ERN1: variants seen among roughly 807,000 people sequenced by gnomAD.
ERN1 encodes the protein serine/threonine-protein kinase/endoribonuclease IRE1.
ERN1 carries 39 observed loss-of-function variants against 113.1 expected under a neutral mutation model. That is an observed-to-expected ratio of 0.34 (90% CI 0.27 to 0.45). The LOEUF (loss-of-function observed/expected upper bound fraction) is 0.45. Among genes scored for constraint, ERN1 ranks in the 20% least tolerant of loss-of-function variants. ERN1 has a pLI of 1.00. For synonymous variants in ERN1, 507 were observed against 515.9 expected (o/e 0.98, Z 0.23); for missense variants, 976 against 1,274.8 (o/e 0.77, Z 3.57).
At chr17:64,114,358 CAGA>C (rs1217598210) in intron 1 of ERN1, among the ~76,000 whole-genome samples, 4 of 152,126 alleles carry the variant, frequency 2.6e-5, no homozygotes, top group Non-Finnish European at 5.9e-5. Context: ...GACAGCATAA[CAGA>C]AGAAGAGCAT....
In ERN1 at chr17:64,107,435, C is replaced by G. The variant is rs952372869; in HGVS notation, c.55-9194G>C. 3.9e-5 allele frequency among the ~76,000 whole-genome samples: 6 copies of G among 152,154 alleles called. 1 individual carries two copies. The highest frequency in any genetic ancestry group is 1.2e-4 in the African/African-American group (5 of 41,420). On this transcript the variant is annotated intron_variant, in intron 1 of 21. Coordinates refer to ENST00000433197, the MANE Select transcript of ERN1 (RefSeq NM_001433.5). ...CTCCTGGGCTCAAGCGATTCTCCCA[C>G]CTCAGCCTCCCGAGTAGCTGCGACT...
At position 64,058,446 on chromosome 17, in the gene ERN1, A is replaced by G. The variant is rs912527766; in HGVS notation, c.1207-453T>C. On this transcript the variant is annotated intron_variant, in intron 11 of 21. Coordinates refer to ENST00000433197, the MANE Select transcript of ERN1 (RefSeq NM_001433.5). Reference sequence around the variant, plus strand: ...CGTATACAGAGGCACATGGCTAGAAAGCAATAAAGCAGTTTTCTCGTGTTG... The same window carrying G: ...CGTATACAGAGGCACATGGCTAGAAGGCAATAAAGCAGTTTTCTCGTGTTG... Among the ~76,000 whole-genome samples, 3 of 152,222 alleles carry G rather than the reference A, an allele frequency of 2.0e-5. No homozygotes were observed. The East Asian group carries it at 5.8e-4, about 29-fold the overall frequency.
At chr17:64,098,641 A>G in intron 1 of ERN1, 1 of 499,778 alleles carries the variant, frequency 2.0e-6, no homozygotes, top group South Asian at 1.5e-5. Context: ...GCATACACAC[A>G]TTCATGAAAT....
chr17:64,046,173 G>C (rs1912507416), intron 19 of ERN1, among the ~76,000 whole-genome samples: 1 of 152,232 alleles, frequency 6.6e-6, no homozygotes, highest in Non-Finnish European at 1.5e-5. Context: ...AGCCTTAGGA[G>C]ACCCTTTTCT....
intron 2 of ERN1, 122 bp from the exon 3 acceptor site, chr17:64,080,930 T>C: frequency 5.7e-6 from 5 of 874,896 alleles, no homozygotes; most frequent in Non-Finnish European, 9.2e-6. Flanking sequence ...TTAACCTACA[T>C]GGGCTAGTGC....
At chr17:64,095,095 C>T (rs1914193381) in intron 2 of ERN1, among the ~76,000 whole-genome samples, 1 of 152,136 alleles carries the variant, frequency 6.6e-6, no homozygotes, top group Non-Finnish European at 1.5e-5. Flanking sequence ...CAGGGCTGAA[C>T]TAAAACATGC....
chr17:64,040,675 T>C lies in ERN1; in HGVS notation c.*3313A>G, dbSNP rs904790178. 3 of 152,218 alleles carry C rather than the reference T, an allele frequency of 2.0e-5. No homozygotes were observed. The highest frequency in any genetic ancestry group is 2.0e-4 in the Admixed American group (3 of 15,280). The allele number at this position is 152,218 out of a possible 1,614,324, so 9.4% of individuals were successfully genotyped here. ...ATCTATCTGTAACTGATCAGAGTGA[T>C]GTCTCCTTGGAAGGGCCTCTGACCA... is the stretch of plus-strand genomic sequence containing the variant. On this transcript the variant is annotated 3_prime_UTR_variant, in exon 22 of 22. Transcript: ENST00000433197.
intron 1 of ERN1, among the ~76,000 whole-genome samples, chr17:64,116,653 T>C (rs990791097): frequency 1.5e-3 from 202 of 139,192 alleles, no homozygotes; most frequent in African/African-American, 6.1e-3. Flanking sequence ...AAAAAAAAAA[T>C]AACACACACA....
In ERN1 at chr17:64,054,845, A is replaced by G; in HGVS notation, c.1673-17T>C. 1.3e-6 allele frequency: 2 copies of G among 1,573,352 alleles called. No homozygotes were observed. Among genetic ancestry groups the G allele is most frequent in the Non-Finnish European group, 8.7e-7 (1 of 1,150,852 alleles). On this transcript the variant is annotated splice_polypyrimidine_tract_variant and intron_variant, in intron 13 of 21. Transcript: ENST00000433197. The surrounding 1 kb of genome is among the most constrained non-coding windows in gnomAD (Gnocchi z 4.9). ...TTTCCTCATCTGGGACAAAATAGGA[A>G]AAAGAGATTGTTTCAAACAGATATC...
rs1435121479 is a variant in ERN1 at position 64,108,203 on chromosome 17, A to AT, written c.55-9963dup. 3.3e-5 allele frequency among the ~76,000 whole-genome samples: 5 copies of AT among 150,112 alleles called. No individual in the cohort carries two copies. The East Asian group carries it at 9.7e-4, about 29-fold the overall frequency. Reference sequence around the variant, plus strand: ...CTACTGTCCTCCTTTAATAGATCTGATTAAAAAAAAAAAAAAGTACCTCAT... The same window carrying AT: ...CTACTGTCCTCCTTTAATAGATCTGATTTAAAAAAAAAAAAAAGTACCTCAT... On this transcript the variant is annotated intron_variant, in intron 1 of 21. Coordinates refer to ENST00000433197, the MANE Select transcript of ERN1 (RefSeq NM_001433.5).
intron 1 of ERN1, among the ~76,000 whole-genome samples, chr17:64,111,488 T>A (rs1261449526): frequency 6.6e-6 from 1 of 152,128 alleles, no homozygotes; most frequent in African/African-American, 2.4e-5. Flanking sequence ...CCCGAGTAGC[T>A]GGGATTACAG....
At chr17:64,072,135 C>T (rs769795118) in intron 5 of ERN1, 32 bp from the exon 6 acceptor site, 29 of 1,609,308 alleles carry the variant, frequency 1.8e-5, no homozygotes, top group Non-Finnish European at 2.5e-5. Context: ...TCGTCGTTTA[C>T]ACCATATGGA....
intron 1 of ERN1, chr17:64,129,637 G>C: frequency 2.7e-6 from 1 of 368,834 alleles, no homozygotes; most frequent in Non-Finnish European, 4.8e-6. Context: ...TCCTCAGGCC[G>C]GGGCCTTCTG....
At chr17:64,083,672 C>T (rs8079000) in intron 2 of ERN1, among the ~76,000 whole-genome samples, 4 of 151,884 alleles carry the variant, frequency 2.6e-5, no homozygotes, top group Admixed American at 6.6e-5. Flanking sequence ...AGGATTAACA[C>T]GGGAAAGAAA....
At chr17:64,077,277 T>C (rs1410225615) in intron 4 of ERN1, among the ~76,000 whole-genome samples, 2 of 152,230 alleles carry the variant, frequency 1.3e-5, no homozygotes. Flanking sequence ...TGAGAATTAC[T>C]TGGAAGCTTT....
In ERN1 at chr17:64,130,036, G is replaced by A; in HGVS notation, c.-7C>T. 1 of 1,414,664 alleles carries A rather than the reference G, an allele frequency of 7.1e-7. No individual in the cohort carries two copies. Among genetic ancestry groups the A allele is most frequent in the Non-Finnish European group, 9.2e-7 (1 of 1,091,524 alleles). 87.6% of individuals were successfully genotyped at this position (1,414,664 alleles called of 1,614,324 possible). Reference sequence around the variant, plus strand: ...GCAGCCGCCGGGCCGGCATGGCGAGGACTCGGCCCTGGCTCCGGGGGCGGT... The same window carrying A: ...GCAGCCGCCGGGCCGGCATGGCGAGAACTCGGCCCTGGCTCCGGGGGCGGT... On this transcript the variant is annotated 5_prime_UTR_variant, in exon 1 of 22. Transcript: ENST00000433197. This position sits in a 1 kb window ranked among gnomAD's most constrained non-coding sequence, Gnocchi z 4.0.
At chr17:64,072,557 T>A (rs555180213) in intron 5 of ERN1, among the ~76,000 whole-genome samples, 2 of 152,352 alleles carry the variant, frequency 1.3e-5, no homozygotes, top group African/African-American at 2.4e-5. Context: ...GTGAGAAGGA[T>A]CCACAGTTAC....
intron 9 of ERN1, 28 bp from the exon 10 acceptor site, chr17:64,064,179 G>A: frequency 6.4e-7 from 1 of 1,561,336 alleles, no homozygotes; most frequent in East Asian, 2.4e-5. Context: ...TGAGGGTCAG[G>A]AGCCCTGGAG....
At chr17:64,107,447 G>A (rs1384321253) in intron 1 of ERN1, among the ~76,000 whole-genome samples, 12 of 151,818 alleles carry the variant, frequency 7.9e-5, no homozygotes, top group Admixed American at 2.6e-4. Flanking sequence ...TCAGCCTCCC[G>A]AGTAGCTGCG....
Sources: gnomAD v4.1 joint callset for allele counts (sites outside exome capture counted in the v4.1 genomes callset) on GRCh38, gnomAD v4.1.1 for gene constraint, Gnocchi (gnomAD v3.1) non-coding constraint, MANE v1.5 for transcripts, NCBI Gene and HGNC (gene_info 2026-07-23, HGNC 2026-07-21) for gene names.